DORIP1: variants seen among roughly 807,000 people sequenced by gnomAD.
DORIP1 encodes the protein dopamine receptor interacting protein 1, also known as dopamine receptor-interacting protein 1.
the DORIP1 span, chr14:44,900,646 A>C: frequency 6.2e-7 from 1 of 1,607,692 alleles, no homozygotes; most frequent in Non-Finnish European, 8.5e-7. Flanking sequence ...TGTCATTCTT[A>C]ATGAAAATGA....
At chr14:44,901,032 T>TCATTATGTAG in the DORIP1 span, 2 of 1,444,084 alleles carry the variant, frequency 1.4e-6, no homozygotes, top group Non-Finnish European at 1.9e-6. Flanking sequence ...TGTAGTCGTG[T>TCATTATGTAG]ACCCCATAAT....
the DORIP1 span, chr14:44,905,172 G>C: frequency 3.8e-5 from 15 of 399,370 alleles, no homozygotes; most frequent in Non-Finnish European, 6.6e-5. Flanking sequence ...AAGTTCATCT[G>C]TTAAAATATG....
the DORIP1 span, chr14:44,903,496 CT>C: frequency 6.1e-5 from 72 of 1,184,116 alleles, 1 homozygote; most frequent in East Asian, 1.7e-3. Context: ...AATACCTTTT[CT>C]TTTTTCCCCC....
chr14:44,901,013 C>T, the DORIP1 span: 1 of 1,510,062 alleles, frequency 6.6e-7, no homozygotes, highest in Non-Finnish European at 8.9e-7. Flanking sequence ...ATGAATGTTG[C>T]TTTAGATATG....
chr14:44,904,566 TAAAA>T, the DORIP1 span: 16 of 1,532,556 alleles, frequency 1.0e-5, no homozygotes, highest in Non-Finnish European at 1.3e-5. Flanking sequence ...ATAAAACTAA[TAAAA>T]AAAATTTATC....
chr14:44,900,013 TAGAG>T, the DORIP1 span, among the ~76,000 whole-genome samples: 13 of 152,080 alleles, frequency 8.5e-5, no homozygotes, highest in African/African-American at 1.2e-4. Context: ...GTATTTTTAA[TAGAG>T]AGAGGGTTTC....
At chr14:44,900,794 CTG>C in the DORIP1 span, 1 of 1,613,930 alleles carries the variant, frequency 6.2e-7, no homozygotes, top group Admixed American at 1.7e-5. Flanking sequence ...CAATACAAAT[CTG>C]AAGTCCATAA....
the DORIP1 span, chr14:44,906,444 G>A: frequency 1.1e-4 from 16 of 152,252 alleles, no homozygotes; most frequent in African/African-American, 3.9e-4. Flanking sequence ...TCCTAGTGAA[G>A]TTTTATATTG....
At chr14:44,899,967 G>A in the DORIP1 span, among the ~76,000 whole-genome samples, 2 of 151,874 alleles carry the variant, frequency 1.3e-5, no homozygotes, top group Non-Finnish European at 2.9e-5. Flanking sequence ...GAGTAGCTGG[G>A]ATTACAGGCA....
the DORIP1 span, chr14:44,904,319 A>G: frequency 1.6e-5 from 25 of 1,521,352 alleles, 1 homozygote; most frequent in Non-Finnish European, 2.2e-5. Context: ...AATTAAAGTC[A>G]TAAAGACAAC....
the DORIP1 span, chr14:44,904,694 A>C: frequency 4.0e-6 from 3 of 744,022 alleles, no homozygotes; most frequent in African/African-American, 5.4e-5. Context: ...AGAGTCAGTT[A>C]CTAGCAGTGC....
chr14:44,899,420 T>C, the DORIP1 span: 1 of 152,198 alleles, frequency 6.6e-6, no homozygotes, highest in Non-Finnish European at 1.5e-5. Flanking sequence ...AATTGCACAA[T>C]AGCACAATTC....
the DORIP1 span, chr14:44,900,651 A>G: frequency 1.2e-6 from 2 of 1,607,808 alleles, no homozygotes; most frequent in Non-Finnish European, 8.5e-7. Flanking sequence ...TTCTTAATGA[A>G]AATGAAAACT....
chr14:44,903,390 T>C, the DORIP1 span: 1 of 1,490,884 alleles, frequency 6.7e-7, no homozygotes, highest in Non-Finnish European at 9.1e-7. Context: ...ATGAATCTTA[T>C]TAACCTAGTT....
chr14:44,898,060 G>C, the DORIP1 span, among the ~76,000 whole-genome samples: 4 of 152,298 alleles, frequency 2.6e-5, no homozygotes, highest in Non-Finnish European at 4.4e-5. Context: ...CAAAGAAATA[G>C]AGGTCAGGAG....
chr14:44,905,454 T>C, the DORIP1 span: 2 of 1,576,830 alleles, frequency 1.3e-6, no homozygotes, highest in Admixed American at 3.4e-5. Flanking sequence ...GGATGCACTA[T>C]GATGGGCTCA....
the DORIP1 span, chr14:44,900,692 G>T: frequency 5.0e-6 from 8 of 1,613,258 alleles, no homozygotes; most frequent in East Asian, 1.8e-4. Flanking sequence ...CATTTTGGTA[G>T]AGAGTTTGTA....
chr14:44,903,389 A>G, the DORIP1 span: 6 of 1,498,806 alleles, frequency 4.0e-6, no homozygotes, highest in African/African-American at 8.4e-5. Context: ...TATGAATCTT[A>G]TTAACCTAGT....
chr14:44,904,731 A>C, the DORIP1 span: 1 of 452,780 alleles, frequency 2.2e-6, no homozygotes. Context: ...TGTGGACTAC[A>C]GAATAGACAG....
Sources: allele counts gnomAD v4.1 joint callset (sites outside exome capture counted in the v4.1 genomes callset), GRCh38; gene constraint gnomAD v4.1.1; transcripts MANE v1.5; gene names NCBI Gene and HGNC (gene_info 2026-07-23, HGNC 2026-07-21).